The following HS6ST3 variants were observed in gnomAD, a reference collection of about 807,000 sequenced individuals.
HS6ST3 encodes the protein heparan-sulfate 6-O-sulfotransferase 3.
In HS6ST3, 12 loss-of-function variants were observed where a neutral mutation model predicts 36.7. The observed-to-expected ratio is 0.33, with a 90% CI of 0.21 to 0.53. HS6ST3 has a LOEUF of 0.53. Ranked by LOEUF, HS6ST3 falls within the 20% of genes least tolerant of loss-of-function variation. The pLI, the probability that HS6ST3 is intolerant of heterozygous loss-of-function variation, is 0.95. For missense variants in HS6ST3, 584 were observed against 640.9 expected, an observed-to-expected ratio of 0.91 and a Z score of 0.96; for synonymous variants, 240 against 257.5, an observed-to-expected ratio of 0.93 and a Z score of 0.65.
intron 1 of HS6ST3, among the ~76,000 whole-genome samples, chr13:96,595,919 A>G (rs945886605): frequency 6.7e-6 from 1 of 149,610 alleles, no homozygotes; most frequent in Non-Finnish European, 1.5e-5. Context: ...CTTATCATTT[A>G]TTGTTTCCCT....
intron 1 of HS6ST3, among the ~76,000 whole-genome samples, chr13:96,146,213 G>C (rs1049713725): frequency 2.6e-5 from 4 of 152,104 alleles, no homozygotes; most frequent in Admixed American, 1.3e-4. Context: ...TAGCTTGATG[G>C]GGATGGCACT....
intron 1 of HS6ST3, among the ~76,000 whole-genome samples, chr13:96,128,969 C>T (rs1314319483): frequency 1.3e-5 from 2 of 151,978 alleles, no homozygotes; most frequent in Non-Finnish European, 2.9e-5. Flanking sequence ...CGTCAGCCTC[C>T]CTAGTAGCTG....
intron 1 of HS6ST3, among the ~76,000 whole-genome samples, chr13:96,209,259 C>T (rs936489369): frequency 5.3e-5 from 8 of 152,102 alleles, no homozygotes; most frequent in South Asian, 2.1e-4. Flanking sequence ...TTAGCGGTAG[C>T]GGGGATCATA....
At chr13:96,530,804 T>C (rs1485949573) in intron 1 of HS6ST3, among the ~76,000 whole-genome samples, 1 of 152,218 alleles carries the variant, frequency 6.6e-6, no homozygotes, top group Admixed American at 6.5e-5. Flanking sequence ...GTTTTCTTAT[T>C]GATCATTTAT....
At chr13:96,115,826 C>T (rs867982911) in intron 1 of HS6ST3, among the ~76,000 whole-genome samples, 1 of 152,200 alleles carries the variant, frequency 6.6e-6, no homozygotes, top group African/African-American at 2.4e-5. Flanking sequence ...GCCATACTGT[C>T]TTCCACAACG....
At chr13:96,611,921 G>T (rs902461149) in intron 1 of HS6ST3, among the ~76,000 whole-genome samples, 1 of 152,148 alleles carries the variant, frequency 6.6e-6, no homozygotes, top group Non-Finnish European at 1.5e-5. Context: ...AAATGATCTG[G>T]TCTGTGTCAG....
chr13:96,515,396 G>A (rs1201946669), intron 1 of HS6ST3, among the ~76,000 whole-genome samples: 2 of 152,158 alleles, frequency 1.3e-5, no homozygotes, highest in African/African-American at 2.4e-5. Flanking sequence ...AGGCATGAGG[G>A]GATGGCGTTG....
intron 1 of HS6ST3, among the ~76,000 whole-genome samples, chr13:96,503,544 G>A (rs970216712): frequency 6.6e-6 from 1 of 152,170 alleles, no homozygotes; most frequent in Non-Finnish European, 1.5e-5. Context: ...AGTAGGAAGA[G>A]TGGGATTTAT....
chr13:96,469,720 T>C (rs1284583964), intron 1 of HS6ST3, among the ~76,000 whole-genome samples: 1 of 151,966 alleles, frequency 6.6e-6, no homozygotes, highest in Non-Finnish European at 1.5e-5. Flanking sequence ...ATAGTAGTGG[T>C]GGTGATGGTG....
At chr13:96,794,874 A>G (rs1171607290) in intron 1 of HS6ST3, among the ~76,000 whole-genome samples, 1 of 152,146 alleles carries the variant, frequency 6.6e-6, no homozygotes, top group Non-Finnish European at 1.5e-5. Flanking sequence ...TGACAGCACA[A>G]AGAAAATGTG....
intron 1 of HS6ST3, among the ~76,000 whole-genome samples, chr13:96,446,014 T>C (rs2055696911): frequency 6.6e-6 from 1 of 151,310 alleles, no homozygotes; most frequent in Non-Finnish European, 1.5e-5. Flanking sequence ...CTACTAAAAA[T>C]ACAAAAAAAT....
chr13:96,196,979 A>G (rs2054317423), intron 1 of HS6ST3, among the ~76,000 whole-genome samples: 2 of 152,144 alleles, frequency 1.3e-5, no homozygotes, highest in Non-Finnish European at 2.9e-5. Flanking sequence ...TGTGGTTTAT[A>G]TTTCTGGCTC....
At chr13:96,315,999 G>T (rs2054967068) in intron 1 of HS6ST3, among the ~76,000 whole-genome samples, 1 of 152,132 alleles carries the variant, frequency 6.6e-6, no homozygotes, top group South Asian at 2.1e-4. Flanking sequence ...GCTCACTTCT[G>T]GTTGTATTTT....
At chr13:96,506,934 A>G (rs1033754178) in intron 1 of HS6ST3, among the ~76,000 whole-genome samples, 2 of 152,056 alleles carry the variant, frequency 1.3e-5, no homozygotes, top group Non-Finnish European at 2.9e-5. Context: ...TGGAATGAAC[A>G]TGTTGTTTTC....
At chr13:96,447,250 C>T (rs2055703501) in intron 1 of HS6ST3, among the ~76,000 whole-genome samples, 1 of 152,172 alleles carries the variant, frequency 6.6e-6, no homozygotes, top group Non-Finnish European at 1.5e-5. Flanking sequence ...CCATAACTGT[C>T]CAAAGTCAGC....
chr13:96,109,060 C>T (rs2053856205), intron 1 of HS6ST3, among the ~76,000 whole-genome samples: 1 of 151,964 alleles, frequency 6.6e-6, no homozygotes, highest in Admixed American at 6.6e-5. Flanking sequence ...TCATAGTTAG[C>T]AAGAAATGGT....
At chr13:96,324,582 T>G (rs1383688660) in intron 1 of HS6ST3, among the ~76,000 whole-genome samples, 3 of 152,142 alleles carry the variant, frequency 2.0e-5, no homozygotes, top group Admixed American at 2.0e-4. Context: ...CCAAGGCCAT[T>G]GTGAATGTGA....
intron 1 of HS6ST3, among the ~76,000 whole-genome samples, chr13:96,559,594 AAG>A (rs2056254446): frequency 6.6e-6 from 1 of 152,186 alleles, no homozygotes; most frequent in Non-Finnish European, 1.5e-5. Flanking sequence ...AGCTAGGAAA[AAG>A]GGGTGTAGCT....
intron 1 of HS6ST3, among the ~76,000 whole-genome samples, chr13:96,314,874 C>T (rs567735046): frequency 4.6e-5 from 7 of 152,028 alleles, no homozygotes; most frequent in Non-Finnish European, 1.0e-4. Context: ...TGTGCATATA[C>T]ATGTATACAT....
Sources: gnomAD v4.1 joint callset for allele counts (sites outside exome capture counted in the v4.1 genomes callset) on GRCh38, gnomAD v4.1.1 for gene constraint, MANE v1.5 for transcripts, NCBI Gene and HGNC (gene_info 2026-07-23, HGNC 2026-07-21) for gene names.